The following LPIN2 variants were observed in gnomAD, a reference collection of about 807,000 sequenced individuals.
LPIN2 encodes phosphatidate phosphatase LPIN2.
A neutral mutation model predicts 111.4 loss-of-function variants in LPIN2; 55 were observed. That is an observed-to-expected ratio of 0.49 (90% CI 0.40 to 0.62). The LOEUF (loss-of-function observed/expected upper bound fraction) is 0.62. Ranked by LOEUF, LPIN2 falls within the 20% of genes least tolerant of loss-of-function variation. The pLI, the probability that LPIN2 is intolerant of heterozygous loss-of-function variation, is 0.00. For synonymous variants in LPIN2, 425 were observed against 414.0 expected (o/e 1.03, Z -0.32); for missense variants, 992 against 1,112.1 (o/e 0.89, Z 1.54).
intron 1 of LPIN2, among the ~76,000 whole-genome samples, chr18:2,964,787 A>G (rs568279106): frequency 2.6e-5 from 4 of 152,356 alleles, no homozygotes; most frequent in Admixed American, 1.3e-4. Flanking sequence ...AAAATGTCAG[A>G]GAACTATTAT....
intron 1 of LPIN2, among the ~76,000 whole-genome samples, chr18:2,978,260 A>G (rs2078052046): frequency 6.6e-6 from 1 of 152,144 alleles, no homozygotes; most frequent in Non-Finnish European, 1.5e-5. Flanking sequence ...TTCTCAAAGT[A>G]TTTTCCCCAA....
At chr18:2,951,644 C>T (rs1249641821) in intron 3 of LPIN2, among the ~76,000 whole-genome samples, 1 of 152,080 alleles carries the variant, frequency 6.6e-6, no homozygotes, top group Non-Finnish European at 1.5e-5. Flanking sequence ...ATAATTAAAG[C>T]TAAGCCTATT....
intron 9 of LPIN2, among the ~76,000 whole-genome samples, chr18:2,929,763 G>A (rs774908571): frequency 2.6e-5 from 4 of 152,038 alleles, no homozygotes; most frequent in Admixed American, 6.6e-5. Flanking sequence ...AAAATAAGGC[G>A]GGTATGGTGG....
rs1158967661 is a variant in LPIN2, at chr18:2,918,164, AGACACAGG to A, written c.*2121_*2128del. 5 of 152,236 alleles carry A rather than the reference AGACACAGG, an allele frequency of 3.3e-5. No individual in the cohort carries two copies. The highest frequency in any genetic ancestry group is 1.3e-4 in the Admixed American group (2 of 15,282). 9.4% of individuals were successfully genotyped at this position (152,236 alleles called of 1,614,324 possible). A position where few individuals can be genotyped will look rare whatever the true frequency, so the allele number is the denominator to read the frequency against. ...TGCAGCAACAAAGTCTAGTGCTAGC[AGACACAGG>A]GACAGAGGGACCAGCTACCCTCAAC... On this transcript the variant is annotated 3_prime_UTR_variant, in exon 20 of 20. Coordinates refer to ENST00000677752, the MANE Select transcript of LPIN2 (RefSeq NM_001375808.2).
At chr18:2,981,012 A>G (rs1786103649) in intron 1 of LPIN2, among the ~76,000 whole-genome samples, 1 of 152,254 alleles carries the variant, frequency 6.6e-6, no homozygotes, top group Admixed American at 6.5e-5. Context: ...GTTTCAAAAA[A>G]TATGAAAACA....
At chr18:2,984,233 G>C (rs1029452451) in intron 1 of LPIN2, among the ~76,000 whole-genome samples, 1 of 152,104 alleles carries the variant, frequency 6.6e-6, no homozygotes, top group African/African-American at 2.4e-5. Flanking sequence ...AACTTATCTT[G>C]CATGCAGCAT....
intron 5 of LPIN2, among the ~76,000 whole-genome samples, chr18:2,940,012 C>G (rs991133058): frequency 6.6e-6 from 1 of 152,140 alleles, no homozygotes; most frequent in Non-Finnish European, 1.5e-5. Flanking sequence ...ACAGTTGACA[C>G]TAAAAGATGA....
chr18:2,933,002 C>T (rs1376858790), intron 8 of LPIN2, among the ~76,000 whole-genome samples: 1 of 152,200 alleles, frequency 6.6e-6, no homozygotes, highest in Non-Finnish European at 1.5e-5. Context: ...AACATCTACA[C>T]ACATGGGGAT....
At chr18:2,951,954 G>A (rs981454160) in intron 3 of LPIN2, among the ~76,000 whole-genome samples, 2 of 152,174 alleles carry the variant, frequency 1.3e-5, no homozygotes, top group African/African-American at 4.8e-5. Context: ...TTAAAAATAA[G>A]AAATATTCCT....
chr18:2,946,756 A>T (rs1430923097), intron 4 of LPIN2: 2 of 522,390 alleles, frequency 3.8e-6, no homozygotes, highest in African/African-American at 3.9e-5. Context: ...GGAACAGATA[A>T]GTGGGGCTGC....
rs2077047239 is a variant in LPIN2, at chr18:2,921,093, G to A, written c.2443-212C>T. ...TCAGAAAACTTGGGCAGCCACCAAG[G>A]GGAAGCCAGGGTCCCTGGCGCAGAA... is the stretch of plus-strand genomic sequence containing the variant. On this transcript the variant is annotated intron_variant, in intron 18 of 19. Transcript: ENST00000677752. 2.6e-5 allele frequency: 16 copies of A among 616,014 alleles called. No individual in the cohort carries two copies. The South Asian group carries it at 2.8e-4, about 11-fold the overall frequency. The allele number at this position is 616,014 out of a possible 1,614,324, so 38.2% of individuals were successfully genotyped here. A position where few individuals can be genotyped will look rare whatever the true frequency, so the allele number is the denominator to read the frequency against.
intron 1 of LPIN2, among the ~76,000 whole-genome samples, chr18:2,969,877 T>G (rs1021182139): frequency 6.6e-6 from 1 of 152,230 alleles, no homozygotes; most frequent in African/African-American, 2.4e-5. Flanking sequence ...TTATGAAGAC[T>G]AAGTTGTTAT....
In LPIN2 at chr18:2,928,383, T is replaced by C. The variant is rs3745011; in HGVS notation, c.1620+208A>G. Among the ~76,000 whole-genome samples, 24,845 of 152,148 alleles carry C rather than the reference T, an allele frequency of 0.16. 2,675 individuals carry two copies. Among genetic ancestry groups the C allele is most frequent in the East Asian group, 0.55 (2,861 of 5,170 alleles). The stretch of plus-strand genomic sequence containing the variant: ...GTATTTATGTCTAATAAAAATGAAA[T>C]AAAGAAGTGGCAGCCCTGCTAATTT... On this transcript the variant is annotated intron_variant, in intron 11 of 19. Transcript: ENST00000677752.
At chr18:2,926,042 G>GT (rs2077125115) in intron 13 of LPIN2, among the ~76,000 whole-genome samples, 1 of 152,156 alleles carries the variant, frequency 6.6e-6, no homozygotes, top group Non-Finnish European at 1.5e-5. Flanking sequence ...CTACTTAGGA[G>GT]GCCGAGGCAG....
At chr18:2,988,695 C>G (rs1014724896) in intron 1 of LPIN2, among the ~76,000 whole-genome samples, 4 of 152,124 alleles carry the variant, frequency 2.6e-5, no homozygotes, top group Admixed American at 6.5e-5. Flanking sequence ...CTGGTAATGT[C>G]TAAGATTTAA....
chr18:2,979,040 T>C (rs2276377), intron 1 of LPIN2: 4,966 of 152,456 alleles, frequency 0.033, 153 homozygotes, highest in East Asian at 0.076. Context: ...GGTGGTGTAG[T>C]AGTTCCTGTT....
At chr18:2,960,393 T>G (rs1038364418) in intron 2 of LPIN2, among the ~76,000 whole-genome samples, 1 of 152,082 alleles carries the variant, frequency 6.6e-6, no homozygotes, top group Admixed American at 6.5e-5. Context: ...ATTATAATAA[T>G]TTTCAGTTTC....
chr18:3,003,511 A>T lies in LPIN2; in HGVS notation c.-10+9576T>A, dbSNP rs188710889. ...CATAAATTGTGAAGATTTCATGGAC[A>T]TTTATCAGTTCCCAAAATTAATACC... On this transcript the variant is annotated intron_variant, in intron 1 of 19. Transcript: ENST00000677752. Among the ~76,000 whole-genome samples the T allele has an allele frequency of 1.7e-3, 257 of 152,326 alleles. 2 individuals are homozygous for T. Among genetic ancestry groups the T allele is most frequent in the African/African-American group, 5.9e-3 (245 of 41,588 alleles).
chr18:2,953,807 TGAG>T (rs2077572634), intron 3 of LPIN2, among the ~76,000 whole-genome samples: 1 of 152,160 alleles, frequency 6.6e-6, no homozygotes, highest in East Asian at 1.9e-4. Flanking sequence ...TTACGTGATC[TGAG>T]TTCTTTAGTG....
Sources: allele counts gnomAD v4.1 joint callset (sites outside exome capture counted in the v4.1 genomes callset), GRCh38; gene constraint gnomAD v4.1.1; transcripts MANE v1.5; gene names NCBI Gene and HGNC (gene_info 2026-07-23, HGNC 2026-07-21).